Variants in UFL1 observed in about 807,000 individuals in gnomAD.
The protein encoded by UFL1 is E3 UFM1-protein ligase 1.
A neutral mutation model predicts 99.3 loss-of-function variants in UFL1; 78 were observed. The ratio of observed to expected loss-of-function variants is 0.79; its 90% CI spans 0.65 to 0.95. The LOEUF (loss-of-function observed/expected upper bound fraction) is 0.95, where lower values mean the gene tolerates loss of function less well. UFL1 is among the 40% of genes least tolerant of loss of function. UFL1 has a pLI of 0.00. For missense variants in UFL1, 936 were observed against 937.0 expected (o/e 1.00, Z 0.01); for synonymous variants, 335 against 322.2 (o/e 1.04, Z -0.42).
Position 96,552,844 on chromosome 6 carries a change from C to T in UFL1, c.2166+182C>T, listed in dbSNP as rs188415699. The stretch of plus-strand genomic sequence containing the variant: ...TTAAAATTCCACATAGCTCAAGAAT[C>T]TTTCAAGAATGTTCTGAATTTGGAA... On this transcript the variant is annotated intron_variant, in intron 18 of 18. Coordinates refer to ENST00000369278, the MANE Select transcript of UFL1 (RefSeq NM_015323.5). Among the ~76,000 whole-genome samples the T allele has an allele frequency of 2.0e-5, 3 of 152,128 alleles. No individual in the cohort carries two copies. The East Asian group carries it at 5.8e-4, about 29-fold the overall frequency.
intron 6 of UFL1, among the ~76,000 whole-genome samples, chr6:96,530,277 T>A (rs561949887): frequency 6.6e-6 from 1 of 152,226 alleles, no homozygotes; most frequent in Non-Finnish European, 1.5e-5. Context: ...TGTTTTTTCA[T>A]GTTATACCTA....
At chr6:96,544,902 C>A (rs1029842120) in intron 12 of UFL1, among the ~76,000 whole-genome samples, 1 of 150,736 alleles carries the variant, frequency 6.6e-6, no homozygotes, top group Non-Finnish European at 1.5e-5. Flanking sequence ...ACCATTCTAC[C>A]TTTAAAAATA....
At chr6:96,535,940 T>C (rs1449052804) in intron 7 of UFL1, among the ~76,000 whole-genome samples, 1 of 152,048 alleles carries the variant, frequency 6.6e-6, no homozygotes, top group Non-Finnish European at 1.5e-5. Context: ...AATGGCATGC[T>C]GTGTTTTCAC....
intron 3 of UFL1, 94 bp from the exon 4 acceptor site, chr6:96,525,203 G>A: frequency 1.0e-6 from 1 of 998,948 alleles, no homozygotes; most frequent in Non-Finnish European, 1.5e-6. Context: ...TGCCTGGCCG[G>A]CAATTTCTTT....
intron 6 of UFL1, among the ~76,000 whole-genome samples, chr6:96,531,747 TA>T (rs1769785410): frequency 6.6e-6 from 1 of 152,262 alleles, no homozygotes; most frequent in South Asian, 2.1e-4. Context: ...TTTGACTAAT[TA>T]TTGTGGTGAT....
chr6:96,550,050 A>G (rs1343604352), intron 15 of UFL1, among the ~76,000 whole-genome samples: 1 of 151,966 alleles, frequency 6.6e-6, no homozygotes. Flanking sequence ...CCTAATTATT[A>G]TGTCACATTC....
rs1770097627 is a variant in UFL1, at chr6:96,552,519, C to T, written c.2023C>T (p.Gln675Ter). ...LFQHRQALAE[Q>*]LKVTEDPALI... ...CCAACATCGACAAGCACTGGCTGAA[C>T]AGCTAAAGGTCACAGAAGACCCTGC... The change falls in exon 18 of 19, where the codon CAG becomes TAG. Residue 675 changes from glutamine to a stop codon, truncating the protein, a stop_gained. Coordinates refer to ENST00000369278, the MANE Select transcript of UFL1 (RefSeq NM_015323.5). LOFTEE classifies it high-confidence loss of function. The T allele has an allele frequency of 6.2e-7, 1 of 1,601,094 alleles. No homozygotes were observed.
intron 10 of UFL1, among the ~76,000 whole-genome samples, chr6:96,539,407 TTATTTTA>T (rs1198683144): frequency 6.6e-6 from 1 of 151,596 alleles, no homozygotes; most frequent in Non-Finnish European, 1.5e-5. Flanking sequence ...ATAGGCCCAT[TTATTTTA>T]AACTGTTAAT....
intron 15 of UFL1, among the ~76,000 whole-genome samples, chr6:96,551,115 A>C (rs552163467): frequency 1.3e-5 from 2 of 151,920 alleles, no homozygotes; most frequent in African/African-American, 4.8e-5. Flanking sequence ...GGCACTGGGT[A>C]GAGAAAAACA....
At chr6:96,538,863 A>G in intron 10 of UFL1, 53 bp downstream of exon 10, 1 of 1,466,668 alleles carries the variant, frequency 6.8e-7, no homozygotes, top group Admixed American at 2.0e-5. Context: ...TCAATTTAGA[A>G]TCATCTGATG....
chr6:96,552,227 C>A (rs1437872420), intron 17 of UFL1, among the ~76,000 whole-genome samples: 5 of 151,948 alleles, frequency 3.3e-5, no homozygotes, highest in Non-Finnish European at 1.5e-5. Context: ...ATTTGTTTGA[C>A]CTCCAGCAAC....
At chr6:96,527,416 G>A (rs1448903696) in intron 5 of UFL1, among the ~76,000 whole-genome samples, 1 of 151,922 alleles carries the variant, frequency 6.6e-6, no homozygotes. Context: ...CAAGGGAGAA[G>A]CCAAATCTCT....
Position 96,553,404 on chromosome 6 carries a change from A to T in UFL1, c.2286A>T (p.Glu762Asp), listed in dbSNP as rs1562258248. Residue 762 changes from glutamate to aspartate, a missense_variant, in exon 19 of 19, where the codon GAA (glutamate) becomes GAT (aspartate). By Grantham distance (45) the Glu-to-Asp change is conservative. Coordinates refer to ENST00000369278, the MANE Select transcript of UFL1 (RefSeq NM_015323.5). Reference protein sequence around the residue: ...PLNNELDKEQEDVASTTRKEL... With the variant: ...PLNNELDKEQDDVASTTRKEL... ...ATAATGAATTAGACAAAGAACAAGA[A>T]GATGTTGCCAGTACTACTCGTAAAG... is the stretch of plus-strand genomic sequence containing the variant. 1.2e-6 allele frequency: 2 copies of T among 1,613,882 alleles called. No homozygotes were observed. The highest frequency in any genetic ancestry group is 8.5e-7 in the Non-Finnish European group (1 of 1,179,872).
At chr6:96,552,771 C>A in intron 18 of UFL1, 109 bp downstream of exon 18, 2 of 994,556 alleles carry the variant, frequency 2.0e-6, no homozygotes, top group Non-Finnish European at 2.8e-6. Context: ...ACATTAACAT[C>A]AAAGCCCATT....
chr6:96,524,394 T>C lies in UFL1; in HGVS notation c.236T>C (p.Ile79Thr). The C allele has an allele frequency of 1.3e-6, 2 of 1,588,828 alleles. No individual in the cohort carries two copies. Among genetic ancestry groups the C allele is most frequent in the Non-Finnish European group, 1.7e-6 (2 of 1,170,654 alleles). ...ELHVRGGRVN[I>T]VDLQQVINVD... The stretch of plus-strand genomic sequence containing the variant: ...CTTTTCTTCAAAGGTCGAGTAAACA[T>C]TGTTGATCTACAACAGGTAGGTTTT... Residue 79 changes from isoleucine to threonine, a missense_variant, in exon 3 of 19, where the codon ATT (isoleucine) becomes ACT (threonine). By Grantham distance (89) the Ile-to-Thr change is moderately conservative. Coordinates refer to ENST00000369278, the MANE Select transcript of UFL1 (RefSeq NM_015323.5).
In UFL1 at chr6:96,549,563, A is replaced by T. The variant is rs1483612588; in HGVS notation, c.1672A>T (p.Met558Leu). ...TAACATTAGGTTATTTGAAAAAGGG[A>T]TGAAGTTTTTTGCAGGTATACTTAA... ...YNNIRLFEKG[M>L]KFFADDTQAA... The change falls in exon 14 of 19, where the codon ATG (methionine) becomes TTG (leucine). Residue 558 changes from methionine to leucine, a missense_variant. By Grantham distance (15) the Met-to-Leu change is conservative (BLOSUM62 2). Transcript: ENST00000369278. 2 of 1,595,852 alleles carry T rather than the reference A, an allele frequency of 1.3e-6. No individual in the cohort carries two copies. The highest frequency in any genetic ancestry group is 4.5e-5 in the East Asian group (2 of 44,656).
intron 7 of UFL1, among the ~76,000 whole-genome samples, chr6:96,534,545 G>A (rs1328804089): frequency 6.6e-6 from 1 of 151,254 alleles, no homozygotes; most frequent in African/African-American, 2.4e-5. Flanking sequence ...GAAAAAAAAA[G>A]TAAGCATTTA....
At chr6:96,543,721 T>C (rs192502383) in intron 12 of UFL1, among the ~76,000 whole-genome samples, 9 of 151,012 alleles carry the variant, frequency 6.0e-5, no homozygotes, top group Admixed American at 4.6e-4. Context: ...GGATAAAACA[T>C]TGGAAGCTGA....
At position 96,521,920 on chromosome 6, in the gene UFL1, A is replaced by G; in HGVS notation, c.47A>G (p.Gln16Arg). Residue 16 changes from glutamine (Q) to arginine (R), a missense_variant, in exon 1 of 19, where the codon CAG (glutamine) becomes CGG (arginine). By Grantham distance (43) the Gln-to-Arg change is conservative. Coordinates refer to ENST00000369278, the MANE Select transcript of UFL1 (RefSeq NM_015323.5). Reference protein sequence around the residue: ...EEIRRLAADFQRAQFAEATQR... With the variant: ...EEIRRLAADFRRAQFAEATQR... ...ATTAGGCGGTTGGCGGCCGACTTCC[A>G]GCGGGCGCAGTTCGCCGAGGCCACG... The G allele has an allele frequency of 1.2e-6, 2 of 1,612,562 alleles. No individual in the cohort carries two copies. The highest frequency in any genetic ancestry group is 1.3e-5 in the African/African-American group (1 of 75,030).
Sources: allele counts gnomAD v4.1 joint callset (sites outside exome capture counted in the v4.1 genomes callset), GRCh38; gene constraint gnomAD v4.1.1; transcripts MANE v1.5; gene names NCBI Gene and HGNC (gene_info 2026-07-23, HGNC 2026-07-21).